SLC47A1: variants seen among roughly 807,000 people sequenced by gnomAD.
SLC47A1 encodes the protein solute carrier family 47 member 1.
In SLC47A1, 58 loss-of-function variants were observed where a neutral mutation model predicts 65.8. The observed-to-expected ratio is 0.88, with a 90% CI of 0.71 to 1.10. The LOEUF (loss-of-function observed/expected upper bound fraction) is 1.10, where lower values mean the gene tolerates loss of function less well. Among genes scored for constraint, SLC47A1 ranks in the 50% least tolerant of loss-of-function variants. SLC47A1 has a pLI of 0.00. For missense variants in SLC47A1, 706 were observed against 719.2 expected (o/e 0.98, Z 0.21); for synonymous variants, 285 against 295.0 (o/e 0.97, Z 0.35).
chr17:19,563,862 A>G lies in SLC47A1; in HGVS notation c.1107-2928A>G, dbSNP rs1282699712. ...AAATTAGCCGGGCGTGGTGGCACGC[A>G]CCTGTAGTCCCAGCTACTCGGGAGG... On this transcript the variant is annotated intron_variant, in intron 12 of 16. Coordinates refer to ENST00000270570, the MANE Select transcript of SLC47A1 (RefSeq NM_018242.3). Among the ~76,000 whole-genome samples the G allele has an allele frequency of 2.6e-5, 4 of 152,054 alleles. No homozygotes were observed. The East Asian group carries it at 5.9e-4, about 22-fold the overall frequency.
intron 12 of SLC47A1, among the ~76,000 whole-genome samples, chr17:19,566,488 A>G (rs2084358567): frequency 6.6e-6 from 1 of 151,992 alleles, no homozygotes; most frequent in Non-Finnish European, 1.5e-5. Context: ...TGCAGTGATG[A>G]GATCTCAGCT....
At chr17:19,574,424 C>G (rs1465487966) in intron 16 of SLC47A1, among the ~76,000 whole-genome samples, 1 of 152,184 alleles carries the variant, frequency 6.6e-6, no homozygotes, top group Non-Finnish European at 1.5e-5. Context: ...TGTGAAGCAG[C>G]CTCAGAGGCT....
chr17:19,546,316 A>G, intron 2 of SLC47A1, 119 bp from the exon 3 acceptor site: 1 of 998,214 alleles, frequency 1.0e-6, no homozygotes, highest in Non-Finnish European at 1.5e-6. Context: ...CAAAGTTGGT[A>G]AAATTGACTT....
chr17:19,564,601 G>T (rs566151199), intron 12 of SLC47A1: 1 of 152,216 alleles, frequency 6.6e-6, no homozygotes, highest in South Asian at 2.1e-4. Context: ...TGTTCATATT[G>T]TTCCATTTTT....
rs561161460 is a variant in SLC47A1 at position 19,563,937 on chromosome 17, C to T, written c.1107-2853C>T. 3.0e-3 allele frequency among the ~76,000 whole-genome samples: 450 copies of T among 151,914 alleles called. 1 individual carries two copies. The highest frequency in any genetic ancestry group is 0.01 in the African/African-American group (426 of 41,438). On this transcript the variant is annotated intron_variant, in intron 12 of 16. Transcript: ENST00000270570. ...CCGGGAGGCGGAGCTTGCAGTGAGC[C>T]GAGATTGAGCCACTGCACCCCAGCC...
chr17:19,570,550 A>G (rs956445945), intron 14 of SLC47A1, among the ~76,000 whole-genome samples: 2 of 152,204 alleles, frequency 1.3e-5, no homozygotes, highest in African/African-American at 2.4e-5. Context: ...GACCAAAATT[A>G]GGCAAGCTGT....
At position 19,578,558 on chromosome 17, in the gene SLC47A1, T is replaced by C; in HGVS notation, c.*1005T>C. On this transcript the variant is annotated 3_prime_UTR_variant, in exon 17 of 17. Transcript: ENST00000270570. ...GTAATCCTACTTCATTAAGCCTTCC[T>C]GGGGTGCGGTACACACCGTTAATTC... The C allele has an allele frequency of 6.2e-6, 1 of 161,574 alleles. No homozygotes were observed. The highest frequency in any genetic ancestry group is 1.3e-5 in the Non-Finnish European group (1 of 74,168). The allele number at this position is 161,574 out of a possible 1,614,324, so 10.0% of individuals were successfully genotyped here.
chr17:19,542,716 G>A, intron 2 of SLC47A1, among the ~76,000 whole-genome samples: 1 of 151,912 alleles, frequency 6.6e-6, no homozygotes, highest in Non-Finnish European at 1.5e-5. Flanking sequence ...AGGTTCTGGG[G>A]ATTGGGCTGG....
At chr17:19,573,528 T>A (rs955146842) in intron 16 of SLC47A1, among the ~76,000 whole-genome samples, 6 of 87,716 alleles carry the variant, frequency 6.8e-5, no homozygotes, top group African/African-American at 3.3e-4. Context: ...AAAGAAAAAC[T>A]TTTTTTTTTT....
intron 6 of SLC47A1, among the ~76,000 whole-genome samples, chr17:19,552,962 A>G (rs1205925637): frequency 6.6e-6 from 1 of 152,134 alleles, no homozygotes; most frequent in Non-Finnish European, 1.5e-5. Flanking sequence ...ACATGATCCA[A>G]ACAAATAATG....
At chr17:19,567,250 C>T (rs1273993635) in intron 14 of SLC47A1, 22 bp downstream of exon 14, 2 of 1,613,782 alleles carry the variant, frequency 1.2e-6, no homozygotes, top group South Asian at 2.2e-5. Flanking sequence ...CCTCTGCAGG[C>T]AGGGCTTAGC....
At chr17:19,555,400 T>C in intron 7 of SLC47A1, 91 bp downstream of exon 7, 1 of 1,408,642 alleles carries the variant, frequency 7.1e-7, no homozygotes. Flanking sequence ...CAGCTGGTTC[T>C]TGTGTCCATG....
intron 4 of SLC47A1, among the ~76,000 whole-genome samples, chr17:19,549,340 A>G (rs1916379799): frequency 2.0e-5 from 3 of 152,042 alleles, no homozygotes; most frequent in Admixed American, 2.0e-4. Context: ...CTGGGATTAC[A>G]GGTGGCCGCC....
intron 6 of SLC47A1, among the ~76,000 whole-genome samples, chr17:19,552,279 G>A (rs535128482): frequency 6.6e-6 from 1 of 152,340 alleles, no homozygotes; most frequent in East Asian, 1.9e-4. Context: ...CTGGCCTCAA[G>A]CAATCCTCCT....
At chr17:19,534,221 C>T in intron 1 of SLC47A1, 147 bp downstream of exon 1, 1 of 1,072,772 alleles carries the variant, frequency 9.3e-7, no homozygotes, top group South Asian at 2.0e-5. Context: ...AGGAGCCGGG[C>T]GGGCACCCCA....
chr17:19,566,015 C>T lies in SLC47A1; in HGVS notation c.1107-775C>T, dbSNP rs557608146. 4.6e-5 allele frequency among the ~76,000 whole-genome samples: 7 copies of T among 152,322 alleles called. No individual in the cohort carries two copies. In the East Asian group the frequency reaches 7.7e-4, roughly 17 times the overall value. On this transcript the variant is annotated intron_variant, in intron 12 of 16. Transcript: ENST00000270570. ...ATCATCCCTTTGTCCAACATCTCCA[C>T]GCTGTGTGTGCTTTCCACCCGCTAG...
At chr17:19,565,225 A>G (rs566494196) in intron 12 of SLC47A1, among the ~76,000 whole-genome samples, 1 of 152,196 alleles carries the variant, frequency 6.6e-6, no homozygotes, top group Non-Finnish European at 1.5e-5. Context: ...CTAGGAACCA[A>G]GGATAATTCT....
At chr17:19,557,486 T>C in intron 10 of SLC47A1, 1 of 447,206 alleles carries the variant, frequency 2.2e-6, no homozygotes, top group Non-Finnish European at 4.5e-6. Context: ...TATTAACAAC[T>C]CTTCAAGGAA....
Position 19,563,425 on chromosome 17 carries a change from C to G in SLC47A1, c.1106+2932C>G, listed in dbSNP as rs139298631. 3.8e-3 allele frequency among the ~76,000 whole-genome samples: 579 copies of G among 151,996 alleles called. 1 individual carries two copies. The highest frequency in any genetic ancestry group is 4.9e-3 in the Non-Finnish European group (336 of 67,968). Reference sequence around the variant, plus strand: ...GGGATTACAGCCATAAGCCACCACGCCCGGCCGAGAAAGCTATTTTAAAAT... The same window carrying G: ...GGGATTACAGCCATAAGCCACCACGGCCGGCCGAGAAAGCTATTTTAAAAT... On this transcript the variant is annotated intron_variant, in intron 12 of 16. Coordinates refer to ENST00000270570, the MANE Select transcript of SLC47A1 (RefSeq NM_018242.3).
Sources: allele counts gnomAD v4.1 joint callset (sites outside exome capture counted in the v4.1 genomes callset), GRCh38; gene constraint gnomAD v4.1.1; transcripts MANE v1.5; gene names NCBI Gene and HGNC (gene_info 2026-07-23, HGNC 2026-07-21).